Variants in AARS2 observed in about 807,000 individuals in gnomAD.
The protein encoded by AARS2 is alanyl-tRNA synthetase 2, mitochondrial, also known as alanine--tRNA ligase, mitochondrial.
A neutral mutation model predicts 119.7 loss-of-function variants in AARS2; 78 were observed. That is an observed-to-expected ratio of 0.65 (90% confidence interval 0.54 to 0.79). The LOEUF (loss-of-function observed/expected upper bound fraction) is 0.79, where lower values mean the gene tolerates loss of function less well. Among genes scored for constraint, AARS2 ranks in the 30% least tolerant of loss-of-function variants. The probability of loss-of-function intolerance (pLI) is 0.00; values close to 1 mark genes in which losing one functional copy is unlikely to be tolerated. For missense variants in AARS2, 1,157 were observed against 1,291.3 expected, an observed-to-expected ratio of 0.90 and a Z score of 1.59; for synonymous variants, 502 against 526.3, an observed-to-expected ratio of 0.95 and a Z score of 0.63.
chr6:44,312,835 G>A (rs1786481790), intron 1 of AARS2, among the ~76,000 whole-genome samples: 1 of 152,094 alleles, frequency 6.6e-6, no homozygotes, highest in African/African-American at 2.4e-5. Flanking sequence ...TCTCCCTCGG[G>A]ATTCCACTCC....
At position 44,310,388 on chromosome 6, in the gene AARS2, C is replaced by T. The variant is rs1786245551; in HGVS notation, c.805G>A (p.Gly269Ser). ...AGCACAGCCACCAGCCTTTCCAGGCCCATTCCTGTGTCCACATGCCGCTGG... is the reference window on the plus strand; with the variant it reads ...AGCACAGCCACCAGCCTTTCCAGGCTCATTCCTGTGTCCACATGCCGCTGG... ...LPQRHVDTGM[G>S]LERLVAVLQG... Residue 269 changes from glycine to serine, a missense_variant, in exon 5 of 22, where the codon GGC becomes AGC. By Grantham distance (56) the Gly-to-Ser change is moderately conservative (BLOSUM62 0). Transcript: ENST00000244571. The T allele has an allele frequency of 6.2e-7, 1 of 1,614,172 alleles. No homozygotes were observed. Among genetic ancestry groups the T allele is most frequent in the African/African-American group, 1.3e-5 (1 of 75,060 alleles).
At position 44,312,140 on chromosome 6, in the gene AARS2, G is replaced by C. The variant is rs200450941; in HGVS notation, c.367C>G (p.Arg123Gly). 8.1e-6 allele frequency: 13 copies of C among 1,614,192 alleles called. No individual in the cohort carries two copies. Among genetic ancestry groups the C allele is most frequent in the African/African-American group, 1.3e-5 (1 of 75,038 alleles). Residue 123 changes from arginine to glycine, a missense_variant, in exon 2 of 22, where the codon CGA (arginine) becomes GGA (glycine). Transcript: ENST00000244571. ...AAGAAGGTATGATGGGAAAGGTCTC[G>C]ACCCACATCTTCCAGGTCGTTATGG... ...GHHNDLEDVGRDLSHHTFFEM... is the reference protein window; with the variant it reads ...GHHNDLEDVGGDLSHHTFFEM...
chr6:44,308,406 G>A (rs1786047193), intron 5 of AARS2, among the ~76,000 whole-genome samples: 1 of 151,970 alleles, frequency 6.6e-6, no homozygotes, highest in Non-Finnish European at 1.5e-5. Context: ...AGGTGTGTTG[G>A]CGGGTGCCTG....
chr6:44,302,042 A>G lies in AARS2; in HGVS notation c.2598+18T>C. 1 of 1,612,926 alleles carries G rather than the reference A, an allele frequency of 6.2e-7. No individual in the cohort carries two copies. Among genetic ancestry groups the G allele is most frequent in the South Asian group, 1.1e-5 (1 of 90,922 alleles). ...GGAGTGTCTCTGGGCACATGGGTGC[A>G]GCCAAACCTCCTCTCACCTGTCCCA... On this transcript the variant is annotated intron_variant, in intron 19 of 21. Coordinates refer to ENST00000244571, the MANE Select transcript of AARS2 (RefSeq NM_020745.4).
At chr6:44,311,668 T>C in intron 2 of AARS2, 133 bp from the exon 3 acceptor site, 1 of 1,149,762 alleles carries the variant, frequency 8.7e-7, no homozygotes, top group Non-Finnish European at 1.3e-6. Flanking sequence ...GTTCCCAGAA[T>C]AAGCCATGAA....
rs1339137850 is a variant in AARS2 at position 44,304,485 on chromosome 6, G to C, written c.1801C>G (p.Leu601Val). 8.7e-6 allele frequency: 14 copies of C among 1,614,202 alleles called. No individual in the cohort carries two copies. The highest frequency in any genetic ancestry group is 1.2e-5 in the Non-Finnish European group (14 of 1,180,026). ...ARAQVCGGFI[L>V]HEAVAPECLR... ...CACTCAGGGGCTACTGCCTCATGCAGGATGAAACCTCCACAGACCTGGGCC... is the reference window on the plus strand; with the variant it reads ...CACTCAGGGGCTACTGCCTCATGCACGATGAAACCTCCACAGACCTGGGCC... Residue 601 changes from leucine (L) to valine (V), a missense_variant, in exon 13 of 22, where the codon CTG becomes GTG. Leu to Val is a conservative substitution (Grantham distance 32). Coordinates refer to ENST00000244571, the MANE Select transcript of AARS2 (RefSeq NM_020745.4).
In AARS2 at chr6:44,307,632, A is replaced by G. The variant is rs1321642162; in HGVS notation, c.895-238T>C. 1 of 594,332 alleles carries G rather than the reference A, an allele frequency of 1.7e-6. No individual in the cohort carries two copies. Among genetic ancestry groups the G allele is most frequent in the African/African-American group, 1.9e-5 (1 of 53,826 alleles). 36.8% of individuals were successfully genotyped at this position (594,332 alleles called of 1,614,324 possible). A position where few individuals can be genotyped will look rare whatever the true frequency, so the allele number is the denominator to read the frequency against. On this transcript the variant is annotated intron_variant, in intron 5 of 21. Transcript: ENST00000244571. The surrounding 1 kb of genome is among the most constrained non-coding windows in gnomAD (Gnocchi z 4.4). The stretch of plus-strand genomic sequence containing the variant: ...TGTGACCATTTACTGAATTTCTACT[A>G]TCAGAACTGGGTGAGTACTTGAACA...
In AARS2 at chr6:44,305,555, C is replaced by G; in HGVS notation, c.1434+98G>C. On this transcript the variant is annotated intron_variant, in intron 10 of 21. Transcript: ENST00000244571. The surrounding 1 kb of genome is among the most constrained non-coding windows in gnomAD (Gnocchi z 4.6). ...GAGGGGACAGATCCTATCTCAGCCT[C>G]TTGATTCCTCTCAATATTCACAGCT... 6.3e-7 allele frequency: 1 copy of G among 1,578,054 alleles called. No individual in the cohort carries two copies. The highest frequency in any genetic ancestry group is 8.7e-7 in the Non-Finnish European group (1 of 1,151,506).
At chr6:44,302,258 C>A (rs534311265) in intron 18 of AARS2, 88 bp from the exon 19 acceptor site, 2 of 1,609,424 alleles carry the variant, frequency 1.2e-6, no homozygotes, top group African/African-American at 1.3e-5. Context: ...AAGACACCCA[C>A]CCTGCAGACA....
At position 44,302,506 on chromosome 6, in the gene AARS2, T is replaced by C. The variant is rs1785444953; in HGVS notation, c.2372A>G (p.Glu791Gly). ...VTGEQAQQAR[E>G]LGQSLAQEVK... Reference sequence around the variant, plus strand: ...TTCCTGGGCCAGGCTCTGGCCTAGCTCTCGGGCCTGCAGGGAGGGGACAGG... The same window carrying C: ...TTCCTGGGCCAGGCTCTGGCCTAGCCCTCGGGCCTGCAGGGAGGGGACAGG... The change falls in exon 18 of 22, where the codon GAG (glutamate) becomes GGG (glycine). Residue 791 changes from glutamate (E) to glycine (G), a missense_variant. Transcript: ENST00000244571. The C allele has an allele frequency of 6.2e-7, 1 of 1,613,956 alleles. No individual in the cohort carries two copies. Among genetic ancestry groups the C allele is most frequent in the African/African-American group, 1.3e-5 (1 of 75,010 alleles).
Position 44,307,499 on chromosome 6 carries a change from C to A in AARS2, c.895-105G>T. On this transcript the variant is annotated intron_variant, in intron 5 of 21. Transcript: ENST00000244571. This position sits in a 1 kb window ranked among gnomAD's most constrained non-coding sequence, Gnocchi z 4.4. ...CCCTCAGCCCTAAAGCCAACCACATCCAGAATGGCCTTGCCAGTCCAGTCC... is the reference window on the plus strand; with the variant it reads ...CCCTCAGCCCTAAAGCCAACCACATACAGAATGGCCTTGCCAGTCCAGTCC... 1.4e-6 allele frequency: 2 copies of A among 1,444,144 alleles called. No individual in the cohort carries two copies. Among genetic ancestry groups the A allele is most frequent in the South Asian group, 1.2e-5 (1 of 81,010 alleles). 89.5% of individuals were successfully genotyped at this position (1,444,144 alleles called of 1,614,324 possible).
chr6:44,301,506 G>A (rs1417888376), intron 19 of AARS2, 42 bp from the exon 20 acceptor site: 1 of 1,569,314 alleles, frequency 6.4e-7, no homozygotes, highest in Non-Finnish European at 8.7e-7. Flanking sequence ...AGGCTGAGAG[G>A]CAGGTTTCCA....
chr6:44,301,799 G>A (rs1785380275), intron 19 of AARS2, among the ~76,000 whole-genome samples: 1 of 152,190 alleles, frequency 6.6e-6, no homozygotes, highest in African/African-American at 2.4e-5. Context: ...GGTGCAATCA[G>A]GGCTGAATGG....
In AARS2 at chr6:44,305,556, T is replaced by C. The variant is rs1785771073; in HGVS notation, c.1434+97A>G. 1 of 1,578,720 alleles carries C rather than the reference T, an allele frequency of 6.3e-7. No homozygotes were observed. The highest frequency in any genetic ancestry group is 8.7e-7 in the Non-Finnish European group (1 of 1,151,990). On this transcript the variant is annotated intron_variant, in intron 10 of 21. Coordinates refer to ENST00000244571, the MANE Select transcript of AARS2 (RefSeq NM_020745.4). The surrounding 1 kb of genome is among the most constrained non-coding windows in gnomAD (Gnocchi z 4.6). ...AGGGGACAGATCCTATCTCAGCCTC[T>C]TGATTCCTCTCAATATTCACAGCTC...
Position 44,306,924 on chromosome 6 carries a change from AG to A in AARS2, c.1147del (p.Leu383TrpfsTer41). ...GTGAAAAAGAAGCTCTGTCCTTACC[AG>A]TGTCTCCACCACTACAGGTACCAGG... ...GSLVPVVVETLGDAYPELQRN... is the reference protein window; with the variant it reads ...GSLVPVVVETXGDAYPELQRN... On this transcript the variant is annotated frameshift_variant and splice_region_variant, in exon 7 of 22. Coordinates refer to ENST00000244571, the MANE Select transcript of AARS2 (RefSeq NM_020745.4). LOFTEE classifies it high-confidence loss of function. The A allele has an allele frequency of 6.2e-7, 1 of 1,613,540 alleles. No homozygotes were observed. Among genetic ancestry groups the A allele is most frequent in the Non-Finnish European group, 8.5e-7 (1 of 1,179,532 alleles).
In AARS2 at chr6:44,312,186, T is replaced by C. The variant is rs769678972; in HGVS notation, c.321A>G (p.Lys107=). Residue 107 remains lysine (K), a synonymous_variant, in exon 2 of 22, where the codon AAA becomes AAG. Coordinates refer to ENST00000244571, the MANE Select transcript of AARS2 (RefSeq NM_020745.4). ...AGFRRVANSQ[K]CVRAGGHHND... is the part of the protein sequence containing the mutation. Reference sequence around the variant, plus strand: ...TATGGTGTCCTCCAGCTCTCACACATTTCTGGCTGTTGGCCACACGTCGGA... The same window carrying C: ...TATGGTGTCCTCCAGCTCTCACACACTTCTGGCTGTTGGCCACACGTCGGA... 18 of 1,614,126 alleles carry C rather than the reference T, an allele frequency of 1.1e-5. No individual in the cohort carries two copies. Among genetic ancestry groups the C allele is most frequent in the Admixed American group, 3.3e-5 (2 of 60,018 alleles).
In AARS2 at chr6:44,303,417, A is replaced by G. The variant is rs1342241815; in HGVS notation, c.2014T>C (p.Leu672=). 1 of 1,613,952 alleles carries G rather than the reference A, an allele frequency of 6.2e-7. No homozygotes were observed. The highest frequency in any genetic ancestry group is 1.1e-5 in the South Asian group (1 of 91,082). The change falls in exon 15 of 22, where the codon TTG becomes CTG. Residue 672 remains leucine, a synonymous_variant. Transcript: ENST00000244571. ...LRLDVTTQTP[L]TPEQLRAVEN... ...ACTGCCCGGAGCTGCTCTGGGGTCA[A>G]TGGGGTCTGGAGGGGTGGGGAGGAA...
rs773017457 is a variant in AARS2, at chr6:44,302,048, ACCT to A, written c.2598+9_2598+11del. ...TCTCTGGGCACATGGGTGCAGCCAAACCTCCTCTCACCTGTCCCATTTGCAGCT... is the reference window on the plus strand; with the variant it reads ...TCTCTGGGCACATGGGTGCAGCCAAACCTCTCACCTGTCCCATTTGCAGCT... On this transcript the variant is annotated intron_variant, in intron 19 of 21. Transcript: ENST00000244571. 29 of 1,613,274 alleles carry A rather than the reference ACCT, an allele frequency of 1.8e-5. No homozygotes were observed. The African/African-American group carries it at 3.6e-4, about 20-fold the overall frequency.
At position 44,303,354 on chromosome 6, in the gene AARS2, C is replaced by A; in HGVS notation, c.2077G>T (p.Ala693Ser). The change falls in exon 15 of 22, where the codon GCT (alanine) becomes TCT (serine). Residue 693 changes from alanine (A) to serine (S), a missense_variant. Ala to Ser is a moderately conservative substitution (Grantham distance 99, BLOSUM62 1). Transcript: ENST00000244571. The part of the protein sequence containing the change: ...TVQEAVGQDE[A>S]VYMEEVPLAL... ...AGGGGCACCTCCTCCATGTACACAG[C>A]CTCATCCTGCCCCACGGCCTCCTGC... 1.2e-6 allele frequency: 2 copies of A among 1,614,080 alleles called. No individual in the cohort carries two copies. Among genetic ancestry groups the A allele is most frequent in the South Asian group, 2.2e-5 (2 of 91,084 alleles).
Sources: gnomAD v4.1 joint callset for allele counts (sites outside exome capture counted in the v4.1 genomes callset) on GRCh38, gnomAD v4.1.1 for gene constraint, Gnocchi (gnomAD v3.1) non-coding constraint, MANE v1.5 for transcripts, NCBI Gene and HGNC (gene_info 2026-07-23, HGNC 2026-07-21) for gene names.